The following MTMR12 variants were observed in gnomAD, a reference collection of about 807,000 sequenced individuals.
The protein encoded by MTMR12 is myotubularin-related protein 12.
A neutral mutation model predicts 96.7 loss-of-function variants in MTMR12; 33 were observed. The ratio of observed to expected loss-of-function variants is 0.34; its 90% CI spans 0.26 to 0.46. The LOEUF is 0.46. Ranked by LOEUF, MTMR12 falls within the 20% of genes least tolerant of loss-of-function variation. The pLI is 1.00. For synonymous variants in MTMR12, 298 were observed against 327.2 expected, an observed-to-expected ratio of 0.91 and a Z score of 0.96; for missense variants, 721 against 896.1, an observed-to-expected ratio of 0.80 and a Z score of 2.49.
intron 1 of MTMR12, among the ~76,000 whole-genome samples, chr5:32,281,949 T>C (rs981729589): frequency 6.7e-6 from 1 of 150,364 alleles, no homozygotes; most frequent in African/African-American, 2.4e-5. Flanking sequence ...TGCTTGGGCA[T>C]GCACACACAA....
rs1748067921 is a variant in MTMR12 at position 32,233,201 on chromosome 5, A to G, written c.1674+572T>C. Among the ~76,000 whole-genome samples the G allele has an allele frequency of 6.7e-6, 1 of 149,542 alleles. No homozygotes were observed. The highest frequency in any genetic ancestry group is 2.5e-5 in the African/African-American group (1 of 40,580). On this transcript the variant is annotated intron_variant, in intron 15 of 15. Coordinates refer to ENST00000382142, the MANE Select transcript of MTMR12 (RefSeq NM_001040446.3). This position sits in a 1 kb window ranked among gnomAD's most constrained non-coding sequence, Gnocchi z 5.0. ...CACAGCTATGCCTACTTGTTCACCT[A>G]CTAAGGCTCCTTTTTTTTTTTTCAA... is the stretch of plus-strand genomic sequence containing the variant.
At chr5:32,238,214 T>C (rs1339919974) in intron 13 of MTMR12, among the ~76,000 whole-genome samples, 1 of 150,972 alleles carries the variant, frequency 6.6e-6, no homozygotes, top group African/African-American at 2.4e-5. Context: ...ATCTAAAACT[T>C]TATTTATTTT....
intron 6 of MTMR12, among the ~76,000 whole-genome samples, chr5:32,266,170 C>T (rs939830976): frequency 3.9e-5 from 6 of 152,172 alleles, no homozygotes; most frequent in Non-Finnish European, 7.3e-5. Flanking sequence ...GAGGACACAT[C>T]ACTCAGCTTC....
chr5:32,291,373 G>A (rs1162395472), intron 1 of MTMR12, among the ~76,000 whole-genome samples: 6 of 152,318 alleles, frequency 3.9e-5, no homozygotes, highest in East Asian at 1.9e-4. Flanking sequence ...CCAGATGTCC[G>A]ATTATATACT....
chr5:32,242,032 A>T (rs767964090), intron 12 of MTMR12, 25 bp downstream of exon 12: 1 of 1,575,890 alleles, frequency 6.3e-7, no homozygotes, highest in Non-Finnish European at 8.7e-7. Flanking sequence ...AATGGAAATC[A>T]TCCTTTGTGC....
At chr5:32,256,997 G>A (rs1299060814) in intron 7 of MTMR12, among the ~76,000 whole-genome samples, 3 of 152,194 alleles carry the variant, frequency 2.0e-5, no homozygotes, top group Non-Finnish European at 4.4e-5. Context: ...AAATTTGTAA[G>A]ACACGGCTGG....
rs2111959234 is a variant in MTMR12 at position 32,227,251 on chromosome 5, G to A, written c.*2527C>T. ...TAAATTAATTTACATTTCCAAACTT[G>A]CACAGTACAGCATTTTAAACAAAGT... On this transcript the variant is annotated 3_prime_UTR_variant, in exon 16 of 16. Coordinates refer to ENST00000382142, the MANE Select transcript of MTMR12 (RefSeq NM_001040446.3). The A allele has an allele frequency of 6.5e-6, 1 of 152,730 alleles. No homozygotes were observed. Among genetic ancestry groups the A allele is most frequent in the Middle Eastern group, 3.4e-3 (1 of 294 alleles). 9.5% of individuals were successfully genotyped at this position (152,730 alleles called of 1,614,324 possible).
chr5:32,273,059 A>G (rs1278700518), intron 3 of MTMR12, among the ~76,000 whole-genome samples: 4 of 152,122 alleles, frequency 2.6e-5, no homozygotes, highest in Admixed American at 1.3e-4. Context: ...CTCATTCTTC[A>G]TGAATAGGAA....
chr5:32,289,581 C>G (rs539939887), intron 1 of MTMR12, among the ~76,000 whole-genome samples: 11 of 152,180 alleles, frequency 7.2e-5, no homozygotes, highest in Non-Finnish European at 1.3e-4. Flanking sequence ...TTCCGGGGTA[C>G]CCAAAGTGTC....
chr5:32,278,797 G>A (rs1329752160), intron 1 of MTMR12, among the ~76,000 whole-genome samples: 1 of 152,140 alleles, frequency 6.6e-6, no homozygotes, highest in African/African-American at 2.4e-5. Flanking sequence ...AAAATTCTTG[G>A]CCAGGTGTGG....
At chr5:32,263,264 G>T (rs1476561130) in intron 6 of MTMR12, 22 bp from the exon 7 acceptor site, 3 of 1,612,940 alleles carry the variant, frequency 1.9e-6, no homozygotes, top group Non-Finnish European at 2.5e-6. Context: ...AAATGTAAAA[G>T]ACAATAAAAT....
At chr5:32,300,961 A>G (rs192074216) in intron 1 of MTMR12, among the ~76,000 whole-genome samples, 3 of 152,224 alleles carry the variant, frequency 2.0e-5, no homozygotes, top group East Asian at 1.9e-4. Context: ...TGTAGTCCCA[A>G]CTACTCAGAA....
rs538372409 is a variant in MTMR12, at chr5:32,249,546, G to A, written c.790-668C>T. 4.6e-5 allele frequency among the ~76,000 whole-genome samples: 7 copies of A among 152,258 alleles called. No individual in the cohort carries two copies. In the East Asian group the frequency reaches 7.7e-4, roughly 17 times the overall value. On this transcript the variant is annotated intron_variant, in intron 8 of 15. Coordinates refer to ENST00000382142, the MANE Select transcript of MTMR12 (RefSeq NM_001040446.3). ...ATACTGTGTCTACCTTCAGAGCTTC[G>A]TTTCAAAAGGGAAATAAGCTTAGGA... is the stretch of plus-strand genomic sequence containing the variant.
chr5:32,248,621 C>G, intron 9 of MTMR12, 151 bp downstream of exon 9: 2 of 624,378 alleles, frequency 3.2e-6, no homozygotes, highest in Non-Finnish European at 5.6e-6. Flanking sequence ...TGACTCCTTT[C>G]AAATTAACTC....
Position 32,233,641 on chromosome 5 carries a change from T to C in MTMR12, c.1674+132A>G. ...CTAATGGCCCTTGACAATTTGACCA[T>C]CACAAGTCTCAACTCTGCAGACTGC... On this transcript the variant is annotated intron_variant, in intron 15 of 15. Coordinates refer to ENST00000382142, the MANE Select transcript of MTMR12 (RefSeq NM_001040446.3). The surrounding 1 kb of genome is among the most constrained non-coding windows in gnomAD (Gnocchi z 5.0). 1 of 1,276,700 alleles carries C rather than the reference T, an allele frequency of 7.8e-7. No homozygotes were observed. Among genetic ancestry groups the C allele is most frequent in the Non-Finnish European group, 1.1e-6 (1 of 909,556 alleles). The allele number at this position is 1,276,700 out of a possible 1,614,324, so 79.1% of individuals were successfully genotyped here.
At chr5:32,306,711 A>G (rs1354056936) in intron 1 of MTMR12, among the ~76,000 whole-genome samples, 2 of 152,176 alleles carry the variant, frequency 1.3e-5, no homozygotes, top group African/African-American at 4.8e-5. Flanking sequence ...GTTCTGCAAT[A>G]ACACTGTGTC....
chr5:32,298,600 C>T (rs1177117848), intron 1 of MTMR12, among the ~76,000 whole-genome samples: 1 of 152,068 alleles, frequency 6.6e-6, no homozygotes, highest in Non-Finnish European at 1.5e-5. Flanking sequence ...GTATGGCAGT[C>T]CTATAAGAGG....
intron 7 of MTMR12, among the ~76,000 whole-genome samples, chr5:32,259,995 C>T (rs921510810): frequency 3.4e-5 from 5 of 148,032 alleles, no homozygotes; most frequent in Admixed American, 1.4e-4. Flanking sequence ...GAGATCACAC[C>T]ACTGCACTCC....
At chr5:32,238,704 A>G (rs1748337611) in intron 13 of MTMR12, among the ~76,000 whole-genome samples, 1 of 152,198 alleles carries the variant, frequency 6.6e-6, no homozygotes. Context: ...GAGTTACTTT[A>G]TATTTAAGTC....
Sources: allele counts gnomAD v4.1 joint callset (sites outside exome capture counted in the v4.1 genomes callset), GRCh38; gene constraint gnomAD v4.1.1; non-coding constraint Gnocchi (gnomAD v3.1); transcripts MANE v1.5; gene names NCBI Gene and HGNC (gene_info 2026-07-23, HGNC 2026-07-21).